USP19: variants seen among roughly 807,000 people sequenced by gnomAD.
USP19 encodes ubiquitin carboxyl-terminal hydrolase 19.
In USP19, 40 loss-of-function variants were observed where a neutral mutation model predicts 144.8. The ratio of observed to expected loss-of-function variants is 0.28; its 90% CI spans 0.21 to 0.36. The LOEUF (loss-of-function observed/expected upper bound fraction) is 0.36, where lower values mean the gene tolerates loss of function less well. USP19 is among the 10% of genes least tolerant of loss of function. The pLI is 1.00. For missense variants in USP19, 1,518 were observed against 1,822.5 expected (o/e 0.83, Z 3.04); for synonymous variants, 701 against 709.3 (o/e 0.99, Z 0.19).
chr3:49,113,930 C>T lies in USP19; in HGVS notation c.2505+62G>A, dbSNP rs148527358. The T allele has an allele frequency of 8.5e-4, 1,318 of 1,548,858 alleles. 9 individuals carry two copies. The African/African-American group carries it at 0.016, about 18-fold the overall frequency. Reference sequence around the variant, plus strand: ...CTGTAGATGCCAATGACTGTACACACGTCTGTGGTGAGTACACACACACAT... The same window carrying T: ...CTGTAGATGCCAATGACTGTACACATGTCTGTGGTGAGTACACACACACAT... On this transcript the variant is annotated intron_variant, in intron 17 of 26. Coordinates refer to ENST00000417901, the MANE Select transcript of USP19 (RefSeq NM_001199161.2).
Position 49,116,975 on chromosome 3 carries a change from C to T in USP19, c.910-32G>A, listed in dbSNP as rs1403490569. On this transcript the variant is annotated intron_variant, in intron 6 of 26. Transcript: ENST00000417901. This position sits in a 1 kb window ranked among gnomAD's most constrained non-coding sequence, Gnocchi z 5.0. The stretch of plus-strand genomic sequence containing the variant: ...ATGGCAAGATTGTGGAAAGAATCAG[C>T]CCTGGGTCTGCCAGGTGGCTCCCAC... 1 of 1,600,236 alleles carries T rather than the reference C, an allele frequency of 6.2e-7. No individual in the cohort carries two copies. Among genetic ancestry groups the T allele is most frequent in the South Asian group, 1.1e-5 (1 of 89,410 alleles).
intron 26 of USP19, chr3:49,109,230 G>T (rs1004986597): frequency 1.4e-6 from 2 of 1,451,114 alleles, no homozygotes; most frequent in Admixed American, 5.8e-5. Context: ...GGGTGGGGAG[G>T]ACCCAGTGTC....
Position 49,117,425 on chromosome 3 carries a change from A to G in USP19, c.606+12T>C, listed in dbSNP as rs764929088. 9 of 1,613,890 alleles carry G rather than the reference A, an allele frequency of 5.6e-6. No individual in the cohort carries two copies. The highest frequency in any genetic ancestry group is 6.8e-6 in the Non-Finnish European group (8 of 1,179,996). On this transcript the variant is annotated intron_variant, in intron 5 of 26. Coordinates refer to ENST00000417901, the MANE Select transcript of USP19 (RefSeq NM_001199161.2). The surrounding 1 kb of genome is among the most constrained non-coding windows in gnomAD (Gnocchi z 4.4). ...TGGTATCCCTACCCAACCCTGTACTACTAGAACTCACCAGGAGGGAGGGCC... is the reference window on the plus strand; with the variant it reads ...TGGTATCCCTACCCAACCCTGTACTGCTAGAACTCACCAGGAGGGAGGGCC...
At position 49,117,352 on chromosome 3, in the gene USP19, G is replaced by C; in HGVS notation, c.616C>G (p.Leu206Val). 1 of 1,595,544 alleles carries C rather than the reference G, an allele frequency of 6.3e-7. No homozygotes were observed. Among genetic ancestry groups the C allele is most frequent in the South Asian group, 1.1e-5 (1 of 90,020 alleles). The stretch of plus-strand genomic sequence containing the variant: ...CCCGGCACCAGCTCCTGGGTCCCTA[G>C]AGGTTTCTTCTGCCAAAGATACAGC... ...LTWPSLLKKP[L>V]GTQELVPGLR... Residue 206 changes from leucine (L) to valine (V), a missense_variant, in exon 6 of 27, where the codon CTA becomes GTA. This residue lies in a region of USP19 where 707 missense variants were observed against 728.9 expected (regional missense o/e 0.97). Coordinates refer to ENST00000417901, the MANE Select transcript of USP19 (RefSeq NM_001199161.2). This position sits in a 1 kb window ranked among gnomAD's most constrained non-coding sequence, Gnocchi z 4.4.
At chr3:49,118,877 C>T (rs1411230380) in intron 2 of USP19, 145 bp downstream of exon 2, 25 of 1,271,310 alleles carry the variant, frequency 2.0e-5, no homozygotes, top group Non-Finnish European at 2.6e-5. Flanking sequence ...TGAGGCTCTA[C>T]TGAGGTTATC....
Position 49,114,896 on chromosome 3 carries a change from C to A in USP19, c.2182-23G>T, listed in dbSNP as rs746885801. The A allele has an allele frequency of 6.2e-7, 1 of 1,614,174 alleles. No homozygotes were observed. Among genetic ancestry groups the A allele is most frequent in the South Asian group, 1.1e-5 (1 of 91,082 alleles). On this transcript the variant is annotated intron_variant, in intron 14 of 26. Transcript: ENST00000417901. The surrounding 1 kb of genome is among the most constrained non-coding windows in gnomAD (Gnocchi z 4.5). Reference sequence around the variant, plus strand: ...CACCTGAGAGGCAGAGTGGTGAGAACCAAAGAGTACCAGGGGCTGGGATGC... The same window carrying A: ...CACCTGAGAGGCAGAGTGGTGAGAAACAAAGAGTACCAGGGGCTGGGATGC...
rs1478256101 is a variant in USP19 at position 49,112,025 on chromosome 3, G to A, written c.2789C>T (p.Pro930Leu). 3 of 1,614,118 alleles carry A rather than the reference G, an allele frequency of 1.9e-6. No individual in the cohort carries two copies. Among genetic ancestry groups the A allele is most frequent in the African/African-American group, 1.3e-5 (1 of 75,056 alleles). ...AGGTCGGCAGAGGCCCTTGTGGTCA[G>A]GCCAGTGGGTTTTCTGGCAGAGCCT... ...CNQLCQKTHW[P>L]DHKGLCRPEN... The change falls in exon 20 of 27, where the codon CCT becomes CTT. Residue 930 changes from proline to leucine, a missense_variant. By Grantham distance (98) the Pro-to-Leu change is moderately conservative (BLOSUM62 -3). This residue lies in a region of USP19 where 413 missense variants were observed against 515.8 expected (regional missense o/e 0.80). Transcript: ENST00000417901. This position sits in a 1 kb window ranked among gnomAD's most constrained non-coding sequence, Gnocchi z 4.9.
intron 2 of USP19, among the ~76,000 whole-genome samples, chr3:49,118,582 CAA>C (rs144601806): frequency 1.2e-4 from 13 of 111,442 alleles, no homozygotes; most frequent in Admixed American, 9.5e-5. Context: ...GACATTGTCT[CAA>C]AAAAAAAAAA....
Position 49,119,074 on chromosome 3 carries a change from C to G in USP19, c.72G>C (p.Lys24Asn). 1 of 1,614,194 alleles carries G rather than the reference C, an allele frequency of 6.2e-7. No individual in the cohort carries two copies. The highest frequency in any genetic ancestry group is 8.5e-7 in the Non-Finnish European group (1 of 1,180,046). ...PPGLEDTTSK[K>N]KQKDRANQES... ...CCTGGTTTGCTCGATCCTTCTGCTT[C>G]TTCTTACTAGTGGTGTCCTCCAGTC... The change falls in exon 2 of 27, where the codon AAG becomes AAC. Residue 24 changes from lysine (K) to asparagine (N), a missense_variant. This residue lies in a region of USP19 where 707 missense variants were observed against 728.9 expected (regional missense o/e 0.97). Coordinates refer to ENST00000417901, the MANE Select transcript of USP19 (RefSeq NM_001199161.2).
At position 49,116,944 on chromosome 3, in the gene USP19, C is replaced by A; in HGVS notation, c.910-1G>T. The A allele has an allele frequency of 6.2e-7, 1 of 1,613,040 alleles. No individual in the cohort carries two copies. Among genetic ancestry groups the A allele is most frequent in the Non-Finnish European group, 8.5e-7 (1 of 1,179,538 alleles). On this transcript the variant is annotated splice_acceptor_variant, in intron 6 of 26. Transcript: ENST00000417901. LOFTEE classifies it high-confidence loss of function. The surrounding 1 kb of genome is among the most constrained non-coding windows in gnomAD (Gnocchi z 5.0). ...TGCAAAGCTGTTCATCAGCCTCAAC[C>A]TATTAATGGCAAGATTGTGGAAAGA... is the stretch of plus-strand genomic sequence containing the variant.
intron 1 of USP19, 76 bp from the exon 2 acceptor site, chr3:49,119,357 C>G: frequency 1.7e-6 from 1 of 571,594 alleles, no homozygotes; most frequent in South Asian, 2.3e-5. Flanking sequence ...CTCAGCAACA[C>G]AGGACACTAA....
In USP19 at chr3:49,111,204, A is replaced by T. The variant is rs757909235; in HGVS notation, c.3329-38T>A. On this transcript the variant is annotated intron_variant, in intron 22 of 26. Transcript: ENST00000417901. The surrounding 1 kb of genome is among the most constrained non-coding windows in gnomAD (Gnocchi z 5.9). ...AGGGAGAGAGGTCATGCAGCTGTGG[A>T]GAACAGCCAGCTCAACCCACCCCAT... 867 of 1,613,862 alleles carry T rather than the reference A, an allele frequency of 5.4e-4. No homozygotes were observed. The highest frequency in any genetic ancestry group is 1.4e-3 in the Admixed American group (83 of 60,004).
rs1320221376 is a variant in USP19 at position 49,112,378 on chromosome 3, T to C, written c.2671A>G (p.Ile891Val). 1 of 1,613,950 alleles carries C rather than the reference T, an allele frequency of 6.2e-7. No individual in the cohort carries two copies. Among genetic ancestry groups the C allele is most frequent in the Non-Finnish European group, 8.5e-7 (1 of 1,179,948 alleles). Residue 891 changes from isoleucine to valine, a missense_variant, in exon 19 of 27, where the codon ATC (isoleucine) becomes GTC (valine). Coordinates refer to ENST00000417901, the MANE Select transcript of USP19 (RefSeq NM_001199161.2). The surrounding 1 kb of genome is among the most constrained non-coding windows in gnomAD (Gnocchi z 4.9). ...QQRPQVPSVP[I>V]SKCAACQRKQ... ...CGCTGGCAGGCTGCACACTTGGAGA[T>C]GGGGACGCTGGGCACCTGGGGGCGC...
Position 49,110,214 on chromosome 3 carries a change from T to C in USP19, c.4008A>G (p.Leu1336=). The C allele has an allele frequency of 6.5e-6, 10 of 1,545,808 alleles. No homozygotes were observed. The highest frequency in any genetic ancestry group is 8.7e-6 in the Non-Finnish European group (10 of 1,146,968). The change falls in exon 26 of 27, where the codon CTA becomes CTG. Residue 1336 remains leucine, a synonymous_variant. Coordinates refer to ENST00000417901, the MANE Select transcript of USP19 (RefSeq NM_001199161.2). This position sits in a 1 kb window ranked among gnomAD's most constrained non-coding sequence, Gnocchi z 6.1. The stretch of plus-strand genomic sequence containing the variant: ...TGGCAGCAGCCTCAGCTGCAGGGCC[T>C]AGGTCTGGGTGGTGCTCAGAGTGAC... The part of the protein sequence containing the change: ...RAGHSEHHPD[L]GPAAEAAASQ...
In USP19 at chr3:49,112,079, C is replaced by T. The variant is rs1348805367; in HGVS notation, c.2766-31G>A. ...GGGAAGAGGAAGACAAGGATAGGCC[C>T]TTAGCCCCATCTCCTATGACTCCAT... is the stretch of plus-strand genomic sequence containing the variant. On this transcript the variant is annotated intron_variant, in intron 19 of 26. Coordinates refer to ENST00000417901, the MANE Select transcript of USP19 (RefSeq NM_001199161.2). This position sits in a 1 kb window ranked among gnomAD's most constrained non-coding sequence, Gnocchi z 4.9. The T allele has an allele frequency of 6.2e-7, 1 of 1,610,906 alleles. No homozygotes were observed. The highest frequency in any genetic ancestry group is 2.2e-5 in the East Asian group (1 of 44,838).
chr3:49,114,120 G>T lies in USP19; in HGVS notation c.2404-27C>A. The T allele has an allele frequency of 6.2e-7, 1 of 1,614,202 alleles. No homozygotes were observed. The highest frequency in any genetic ancestry group is 8.5e-7 in the Non-Finnish European group (1 of 1,179,994). ...TGTGGCAAAAAGGGCAGTCAGTGAGGGAGGTGGGCCACGTTCTCTAGAACA... is the reference window on the plus strand; with the variant it reads ...TGTGGCAAAAAGGGCAGTCAGTGAGTGAGGTGGGCCACGTTCTCTAGAACA... On this transcript the variant is annotated intron_variant, in intron 16 of 26. Transcript: ENST00000417901. The surrounding 1 kb of genome is among the most constrained non-coding windows in gnomAD (Gnocchi z 4.5).
intron 26 of USP19, chr3:49,109,943 C>A: frequency 2.5e-6 from 1 of 399,192 alleles, no homozygotes; most frequent in Non-Finnish European, 4.4e-6. Flanking sequence ...CTGACCTGTG[C>A]CAAGTAGGTG....
At position 49,112,456 on chromosome 3, in the gene USP19, G is replaced by A. The variant is rs1310458389; in HGVS notation, c.2646+33C>T. 3.7e-5 allele frequency: 59 copies of A among 1,613,734 alleles called. No individual in the cohort carries two copies. The highest frequency in any genetic ancestry group is 4.5e-5 in the Non-Finnish European group (53 of 1,179,844). On this transcript the variant is annotated intron_variant, in intron 18 of 26. Transcript: ENST00000417901. This position sits in a 1 kb window ranked among gnomAD's most constrained non-coding sequence, Gnocchi z 4.9. Reference sequence around the variant, plus strand: ...CCAGGAAGAAGTGCCCCACCCACCAGGGCGCTGTGCCATCAGGTTGGCCCC... The same window carrying A: ...CCAGGAAGAAGTGCCCCACCCACCAAGGCGCTGTGCCATCAGGTTGGCCCC...
At chr3:49,109,223 T>G (rs113592495) in intron 26 of USP19, 192,086 of 1,446,162 alleles carry the variant, frequency 0.13, 10,380 homozygotes, top group Non-Finnish European at 0.15. Context: ...ACCCCGGGGG[T>G]GGGGAGGACC....
Sources: allele counts gnomAD v4.1 joint callset (sites outside exome capture counted in the v4.1 genomes callset), GRCh38; gene constraint gnomAD v4.1.1; regional missense constraint gnomAD v4.1.1; non-coding constraint Gnocchi (gnomAD v3.1); transcripts MANE v1.5; gene names NCBI Gene and HGNC (gene_info 2026-07-23, HGNC 2026-07-21).